EXOC3L2: variants seen among roughly 807,000 people sequenced by gnomAD.
EXOC3L2 encodes the protein exocyst complex component 3-like protein 2.
Under a neutral mutation model 44.4 loss-of-function variants are expected in EXOC3L2, and 17 were observed. The ratio of observed to expected loss-of-function variants is 0.38; its 90% CI spans 0.26 to 0.57. EXOC3L2 has a LOEUF of 0.57. Ranked by LOEUF, EXOC3L2 falls within the 20% of genes least tolerant of loss-of-function variation. EXOC3L2 has a pLI of 0.65. For synonymous variants in EXOC3L2, 256 were observed against 253.7 expected (o/e 1.01, Z -0.09); for missense variants, 541 against 588.4 (o/e 0.92, Z 0.83).
At position 45,237,709 on chromosome 19, in the gene EXOC3L2, GA is replaced by G. The variant is rs566103081; in HGVS notation, c.523+813del. ...TTAGGGATTGAATTACGTCCCCCCA[GA>G]AAAAAAAAAGATATGTGAAGTCTTC... is the stretch of plus-strand genomic sequence containing the variant. On this transcript the variant is annotated intron_variant, in intron 2 of 11. Transcript: ENST00000413988. Among the ~76,000 whole-genome samples, 175 of 147,300 alleles carry G rather than the reference GA, an allele frequency of 1.2e-3. 1 individual carries two copies. The East Asian group carries it at 0.023, about 20-fold the overall frequency.
intron 7 of EXOC3L2, among the ~76,000 whole-genome samples, chr19:45,226,499 G>A (rs927693236): frequency 6.6e-6 from 1 of 151,502 alleles, no homozygotes; most frequent in African/African-American, 2.4e-5. Context: ...TGCAGTGACG[G>A]GATCTTGGCT....
chr19:45,243,549 C>T (rs1970146981), intron 1 of EXOC3L2, among the ~76,000 whole-genome samples: 1 of 152,226 alleles, frequency 6.6e-6, no homozygotes. Flanking sequence ...ACCATGACGA[C>T]CCCTTGCCTG....
Position 45,212,954 on chromosome 19 carries a change from T to G in EXOC3L2, c.*115A>C. 1.7e-6 allele frequency: 2 copies of G among 1,207,100 alleles called. No individual in the cohort carries two copies. The highest frequency in any genetic ancestry group is 1.9e-5 in the South Asian group (1 of 53,506). 74.8% of individuals were successfully genotyped at this position (1,207,100 alleles called of 1,614,324 possible). A position where few individuals can be genotyped will look rare whatever the true frequency, so the allele number is the denominator to read the frequency against. On this transcript the variant is annotated 3_prime_UTR_variant, in exon 12 of 12. Transcript: ENST00000413988. ...GGTTGGGTGAAAAGACATCTAAGGG[T>G]CTTTCTATCCCAGGGGTGTGTGGTC...
rs370967378 is a variant in EXOC3L2, at chr19:45,227,857, C to T, written c.1473-85G>A. ...CAGCCTGCCAAAGCCACCATCCCTG[C>T]GGTGGCACTCTACCTGTCCTCAGGT... On this transcript the variant is annotated intron_variant, in intron 6 of 11. Transcript: ENST00000413988. The T allele has an allele frequency of 1.2e-4, 186 of 1,497,276 alleles. 1 individual carries two copies. The African/African-American group carries it at 1.6e-3, about 13-fold the overall frequency. The allele number at this position is 1,497,276 out of a possible 1,614,324, so 92.7% of individuals were successfully genotyped here.
intron 1 of EXOC3L2, among the ~76,000 whole-genome samples, chr19:45,241,493 A>AG (rs1014351368): frequency 1.3e-5 from 2 of 150,898 alleles, no homozygotes; most frequent in African/African-American, 4.9e-5. Flanking sequence ...AAAAAAAAAA[A>AG]AAAGAAAAGA....
intron 4 of EXOC3L2, among the ~76,000 whole-genome samples, chr19:45,230,378 C>T (rs757825766): frequency 6.6e-6 from 1 of 152,100 alleles, no homozygotes; most frequent in Non-Finnish European, 1.5e-5. Flanking sequence ...GCCACCATGC[C>T]CAGCTAATTT....
Position 45,218,032 on chromosome 19 carries a change from C to T in EXOC3L2, c.1842+165G>A, listed in dbSNP as rs552935514. 3.9e-5 allele frequency among the ~76,000 whole-genome samples: 6 copies of T among 152,260 alleles called. No individual in the cohort carries two copies. The South Asian group carries it at 6.2e-4, about 16-fold the overall frequency. On this transcript the variant is annotated intron_variant, in intron 9 of 11. Coordinates refer to ENST00000413988, the MANE Select transcript of EXOC3L2 (RefSeq NM_001382422.1). ...CCCGCAGACCCCGGGCAGGGGCCAC[C>T]TCTCCCATCCACAGGGAGCCGCTCC...
rs1388769144 is a variant in EXOC3L2 at position 45,227,652 on chromosome 19, A to C, written c.1583+10T>G. On this transcript the variant is annotated intron_variant, in intron 7 of 11. Transcript: ENST00000413988. ...TGGTCCTCCCTCCATCACACCATGG[A>C]TGCCCTCACCTCAGTGGGGGGCCGC... The C allele has an allele frequency of 1.6e-5, 26 of 1,604,152 alleles. No homozygotes were observed. In the East Asian group the frequency reaches 5.6e-4, roughly 35 times the overall value.
At position 45,230,814 on chromosome 19, in the gene EXOC3L2, G is replaced by A. The variant is rs1017791044; in HGVS notation, c.1269+949C>T. On this transcript the variant is annotated intron_variant, in intron 4 of 11. Transcript: ENST00000413988. Reference sequence around the variant, plus strand: ...GATCAAATGTGTTGTCTCGGCTGGGGTGACTCATGCTTATACTCCTAGAGC... The same window carrying A: ...GATCAAATGTGTTGTCTCGGCTGGGATGACTCATGCTTATACTCCTAGAGC... 8.6e-5 allele frequency among the ~76,000 whole-genome samples: 13 copies of A among 152,008 alleles called. No homozygotes were observed. In the East Asian group the frequency reaches 2.1e-3, roughly 25 times the overall value.
rs1599767486 is a variant in EXOC3L2, at chr19:45,234,729, G to A, written c.621C>T (p.Gly207=). The A allele has an allele frequency of 2.5e-6, 1 of 393,646 alleles. No individual in the cohort carries two copies. Among genetic ancestry groups the A allele is most frequent in the African/African-American group, 2.1e-5 (1 of 48,444 alleles). 24.4% of individuals were successfully genotyped at this position (393,646 alleles called of 1,614,324 possible). The change falls in exon 3 of 12, where the codon GGC becomes GGT. Residue 207 remains glycine, a synonymous_variant. Coordinates refer to ENST00000413988, the MANE Select transcript of EXOC3L2 (RefSeq NM_001382422.1). The surrounding 1 kb of genome is among the most constrained non-coding windows in gnomAD (Gnocchi z 5.0). ...LEAEELAPSR[G]GAPGPPKAEG... is the part of the protein sequence containing the mutation. ...CGGCCTTGGGAGGCCCAGGCGCGCC[G>A]CCCCTCGACGGCGCCAGCTCCTCGG...
intron 3 of EXOC3L2, among the ~76,000 whole-genome samples, chr19:45,233,143 G>A (rs1970048426): frequency 6.6e-6 from 1 of 152,152 alleles, no homozygotes; most frequent in East Asian, 1.9e-4. Flanking sequence ...TTGAACCCGG[G>A]AGGCGGAGGT....
At chr19:45,221,187 A>T (rs1171280468) in intron 8 of EXOC3L2, among the ~76,000 whole-genome samples, 3 of 148,086 alleles carry the variant, frequency 2.0e-5, no homozygotes, top group African/African-American at 7.5e-5. Flanking sequence ...ACAGCAGCCC[A>T]GTTTTCTTTT....
intron 3 of EXOC3L2, among the ~76,000 whole-genome samples, chr19:45,232,079 T>C (rs927458428): frequency 5.3e-5 from 8 of 152,142 alleles, no homozygotes; most frequent in Admixed American, 4.6e-4. Context: ...CCCTGATGGA[T>C]GGTGTCCCGG....
intron 11 of EXOC3L2, among the ~76,000 whole-genome samples, chr19:45,214,846 A>G (rs1171044317): frequency 6.6e-6 from 1 of 152,026 alleles, no homozygotes; most frequent in African/African-American, 2.4e-5. Context: ...TGATATTTCA[A>G]TAGCTTTAAT....
intron 1 of EXOC3L2, among the ~76,000 whole-genome samples, chr19:45,239,703 T>C (rs1970115338): frequency 6.6e-6 from 1 of 151,842 alleles, no homozygotes; most frequent in Admixed American, 6.6e-5. Context: ...ATATTTTTAG[T>C]AGATATGTGG....
chr19:45,242,895 C>T (rs113125838), intron 1 of EXOC3L2, among the ~76,000 whole-genome samples: 25 of 149,594 alleles, frequency 1.7e-4, no homozygotes, highest in African/African-American at 6.0e-4. Flanking sequence ...ATTACAAATG[C>T]GTGCAGCCTC....
chr19:45,229,986 T>A (rs1274287607), intron 4 of EXOC3L2, among the ~76,000 whole-genome samples: 3 of 150,538 alleles, frequency 2.0e-5, no homozygotes, highest in East Asian at 1.9e-4. Flanking sequence ...TAAATCCTAT[T>A]ATTACATATT....
chr19:45,218,866 G>A (rs992556467), intron 8 of EXOC3L2, among the ~76,000 whole-genome samples: 1 of 152,132 alleles, frequency 6.6e-6, no homozygotes, highest in East Asian at 1.9e-4. Context: ...GGTAGGCCGA[G>A]GCAGGAGGGT....
chr19:45,227,658 T>C lies in EXOC3L2; in HGVS notation c.1583+4A>G. 1.2e-6 allele frequency: 2 copies of C among 1,607,288 alleles called. No homozygotes were observed. Among genetic ancestry groups the C allele is most frequent in the Non-Finnish European group, 1.7e-6 (2 of 1,177,106 alleles). On this transcript the variant is annotated splice_donor_region_variant and intron_variant, in intron 7 of 11. Transcript: ENST00000413988. Reference sequence around the variant, plus strand: ...TCCCTCCATCACACCATGGATGCCCTCACCTCAGTGGGGGGCCGCAGTTGA... The same window carrying C: ...TCCCTCCATCACACCATGGATGCCCCCACCTCAGTGGGGGGCCGCAGTTGA...
Sources: allele counts gnomAD v4.1 joint callset (sites outside exome capture counted in the v4.1 genomes callset), GRCh38; gene constraint gnomAD v4.1.1; non-coding constraint Gnocchi (gnomAD v3.1); transcripts MANE v1.5; gene names NCBI Gene and HGNC (gene_info 2026-07-23, HGNC 2026-07-21).